SPIDR: variants seen among roughly 807,000 people sequenced by gnomAD.
SPIDR encodes the protein DNA repair-scaffolding protein.
In SPIDR, 93 loss-of-function variants were observed where a neutral mutation model predicts 104.6. The observed-to-expected ratio is 0.89, with a 90% confidence interval of 0.75 to 1.06. The LOEUF is 1.06. Ranked by LOEUF, SPIDR falls within the 50% of genes least tolerant of loss-of-function variation. SPIDR has a pLI of 0.00. For synonymous variants in SPIDR, 431 were observed against 416.9 expected (o/e 1.03, Z -0.41); for missense variants, 1,154 against 1,111.2 (o/e 1.04, Z -0.55).
In SPIDR at chr8:47,700,468, G is replaced by T; in HGVS notation, c.1751G>T (p.Gly584Val). ...WPPAIPLKTP[G>V]RDQPCEEIKT... The stretch of plus-strand genomic sequence containing the variant: ...CCAGCGATACCTCTGAAAACACCTG[G>T]CCGCGACCAGCCCTGTGAAGAGGTA... The change falls in exon 12 of 20, where the codon GGC (glycine) becomes GTC (valine). Residue 584 changes from glycine (G) to valine (V), a missense_variant. Physicochemically the swap from Gly to Val is moderately radical, Grantham distance 109 (BLOSUM62 -3). Transcript: ENST00000297423. 1 of 1,614,194 alleles carries T rather than the reference G, an allele frequency of 6.2e-7. No homozygotes were observed. The highest frequency in any genetic ancestry group is 8.5e-7 in the Non-Finnish European group (1 of 1,180,042).
chr8:47,261,039 G>A (rs979509648), intron 1 of SPIDR, 48 bp downstream of exon 1: 1 of 1,225,858 alleles, frequency 8.2e-7, no homozygotes. Flanking sequence ...CCGCGTTGCG[G>A]GGAAGCGGCG....
At chr8:47,639,876 G>T (rs1411899044) in intron 10 of SPIDR, among the ~76,000 whole-genome samples, 1 of 151,986 alleles carries the variant, frequency 6.6e-6, no homozygotes, top group Non-Finnish European at 1.5e-5. Flanking sequence ...TGAACCCGGA[G>T]GCAGAGGTTG....
intron 5 of SPIDR, chr8:47,294,288 T>C: frequency 5.2e-6 from 2 of 387,676 alleles, no homozygotes. Flanking sequence ...TATCCTGCTA[T>C]TCTTCCAGTG....
At chr8:47,388,932 T>C (rs2060252301) in intron 5 of SPIDR, among the ~76,000 whole-genome samples, 1 of 152,224 alleles carries the variant, frequency 6.6e-6, no homozygotes, top group Admixed American at 6.5e-5. Context: ...AGGACCAGAC[T>C]GTTGTCTTTG....
At chr8:47,403,114 C>A (rs1588231866) in intron 6 of SPIDR, among the ~76,000 whole-genome samples, 1 of 152,196 alleles carries the variant, frequency 6.6e-6, no homozygotes, top group African/African-American at 2.4e-5. Flanking sequence ...ACATGAATAT[C>A]TCAATAGATG....
At chr8:47,678,109 TA>T (rs1470075308) in intron 11 of SPIDR, among the ~76,000 whole-genome samples, 1 of 152,170 alleles carries the variant, frequency 6.6e-6, no homozygotes, top group Non-Finnish European at 1.5e-5. Flanking sequence ...CTGTTTGTAC[TA>T]TGCTCCCAGC....
chr8:47,489,868 C>CTT (rs1172236723), intron 8 of SPIDR, among the ~76,000 whole-genome samples: 1 of 152,050 alleles, frequency 6.6e-6, no homozygotes, highest in African/African-American at 2.4e-5. Flanking sequence ...GGATTAAAGA[C>CTT]TTAAATGTTA....
intron 8 of SPIDR, among the ~76,000 whole-genome samples, chr8:47,554,939 C>T (rs2091137675): frequency 6.6e-6 from 1 of 152,154 alleles, no homozygotes; most frequent in South Asian, 2.1e-4. Context: ...AGCAGGTGGC[C>T]TGTAAGTTTG....
At chr8:47,702,333 A>C (rs552700772) in intron 14 of SPIDR, among the ~76,000 whole-genome samples, 1 of 152,132 alleles carries the variant, frequency 6.6e-6, no homozygotes, top group Non-Finnish European at 1.5e-5. Flanking sequence ...CCTGTCCCCA[A>C]AGCTTCTCAG....
intron 8 of SPIDR, among the ~76,000 whole-genome samples, chr8:47,588,483 A>G (rs1031439055): frequency 6.6e-6 from 1 of 151,952 alleles, no homozygotes; most frequent in African/African-American, 2.4e-5. Context: ...ATTCCTTGCC[A>G]TTTCCTGTGT....
At chr8:47,455,633 C>A (rs2072814135) in intron 8 of SPIDR, among the ~76,000 whole-genome samples, 1 of 151,838 alleles carries the variant, frequency 6.6e-6, no homozygotes, top group Admixed American at 6.6e-5. Context: ...ACAAGAGAAT[C>A]AAATTAAACA....
chr8:47,522,184 A>AG (rs1257778164), intron 8 of SPIDR, among the ~76,000 whole-genome samples: 2 of 151,808 alleles, frequency 1.3e-5, no homozygotes, highest in Non-Finnish European at 2.9e-5. Flanking sequence ...AAAAAAAAAA[A>AG]AAAAGAAAAG....
rs569637171 is a variant in SPIDR at position 47,417,221 on chromosome 8, G to A, written c.877+9260G>A. On this transcript the variant is annotated intron_variant, in intron 7 of 19. Coordinates refer to ENST00000297423, the MANE Select transcript of SPIDR (RefSeq NM_001080394.4). ...CGCCACACTGACTTCCACAATGATT[G>A]AACTAGTTTACAGTCCCACCAACAG... Among the ~76,000 whole-genome samples, 4 of 152,278 alleles carry A rather than the reference G, an allele frequency of 2.6e-5. No homozygotes were observed. The South Asian group carries it at 8.3e-4, about 32-fold the overall frequency.
At chr8:47,695,418 A>C (rs1263899792) in intron 11 of SPIDR, among the ~76,000 whole-genome samples, 1 of 152,154 alleles carries the variant, frequency 6.6e-6, no homozygotes, top group African/African-American at 2.4e-5. Context: ...GGGTGAGTCC[A>C]TCATGGGCCA....
intron 7 of SPIDR, among the ~76,000 whole-genome samples, chr8:47,417,892 A>C (rs1387290426): frequency 6.6e-6 from 1 of 150,626 alleles, no homozygotes; most frequent in African/African-American, 2.5e-5. Context: ...TCCTTTCCCC[A>C]TTTCTTGTTT....
chr8:47,357,680 A>G (rs1297771989), intron 5 of SPIDR, among the ~76,000 whole-genome samples: 1 of 152,236 alleles, frequency 6.6e-6, no homozygotes, highest in Non-Finnish European at 1.5e-5. Flanking sequence ...TAAGAAGGCA[A>G]GCACAATGAG....
intron 1 of SPIDR, among the ~76,000 whole-genome samples, chr8:47,272,743 T>A (rs2035592090): frequency 1.3e-5 from 2 of 152,058 alleles, no homozygotes; most frequent in East Asian, 1.9e-4. Context: ...ATCTCACGAT[T>A]AGGAGAAATT....
intron 5 of SPIDR, among the ~76,000 whole-genome samples, chr8:47,336,260 G>A (rs1554609144): frequency 6.6e-6 from 1 of 152,122 alleles, no homozygotes; most frequent in East Asian, 1.9e-4. Context: ...TGGCTGTTAT[G>A]AATACTGTTG....
At position 47,735,414 on chromosome 8, in the gene SPIDR, G is replaced by T. The variant is rs768696202; in HGVS notation, c.2712G>T (p.Glu904Asp). The change falls in exon 20 of 20, where the codon GAG becomes GAT. Residue 904 changes from glutamate to aspartate, a missense_variant. By Grantham distance (45) the Glu-to-Asp change is conservative (BLOSUM62 2). Transcript: ENST00000297423. Reference sequence around the variant, plus strand: ...GCTGCATTGGATTGGAGGAAATCGAGCTTCTGAGTGCAGGAGGGGCCTCTG... The same window carrying T: ...GCTGCATTGGATTGGAGGAAATCGATCTTCTGAGTGCAGGAGGGGCCTCTG... ...PTSCIGLEEIELLSAGGASAE... is the reference protein window; with the variant it reads ...PTSCIGLEEIDLLSAGGASAE... 2 of 1,614,092 alleles carry T rather than the reference G, an allele frequency of 1.2e-6. No individual in the cohort carries two copies. Among genetic ancestry groups the T allele is most frequent in the Non-Finnish European group, 1.7e-6 (2 of 1,180,048 alleles).
Sources: gnomAD v4.1 joint callset for allele counts (sites outside exome capture counted in the v4.1 genomes callset) on GRCh38, gnomAD v4.1.1 for gene constraint, MANE v1.5 for transcripts, NCBI Gene and HGNC (gene_info 2026-07-23, HGNC 2026-07-21) for gene names.